ZNF426: variants seen among roughly 807,000 people sequenced by gnomAD.
ZNF426 encodes the protein zinc finger protein 426.
A neutral mutation model predicts 24.0 loss-of-function variants in ZNF426; 23 were observed. That is an observed-to-expected ratio of 0.96 (90% CI 0.69 to 1.36). The LOEUF is 1.36. Among genes scored for constraint, ZNF426 ranks in the 40% most tolerant of loss-of-function variants. The pLI, the probability that ZNF426 is intolerant of heterozygous loss-of-function variation, is 0.00. For synonymous variants in ZNF426, 272 were observed against 224.6 expected, an observed-to-expected ratio of 1.21 and a Z score of -1.89; for missense variants, 646 against 658.4, an observed-to-expected ratio of 0.98 and a Z score of 0.21.
At chr19:9,534,051 C>A in intron 4 of ZNF426, 85 bp from the exon 5 acceptor site, 1 of 1,551,408 alleles carries the variant, frequency 6.4e-7, no homozygotes, top group African/African-American at 1.4e-5. Flanking sequence ...GACCCAATGC[C>A]TATGCAGGAT....
intron 7 of ZNF426, 99 bp from the exon 8 acceptor site, chr19:9,529,735 A>T: frequency 8.4e-7 from 1 of 1,193,816 alleles, no homozygotes; most frequent in Non-Finnish European, 1.2e-6. Context: ...ATTATAATTG[A>T]TGCCATTTTT....
Position 9,528,936 on chromosome 19 carries a change from C to G in ZNF426, c.1109G>C (p.Gly370Ala), listed in dbSNP as rs1228186484. The G allele has an allele frequency of 6.2e-7, 1 of 1,613,866 alleles. No homozygotes were observed. Among genetic ancestry groups the G allele is most frequent in the Non-Finnish European group, 8.5e-7 (1 of 1,179,880 alleles). ...GDKPYECKEC[G>A]KSFLTSSRLI... is the part of the protein sequence containing the mutation. ...GCGTGAGGATGTAAGGAAGGATTTC[C>G]CACATTCCTTACATTCATAGGGCTT... is the stretch of plus-strand genomic sequence containing the variant. Residue 370 changes from glycine to alanine, a missense_variant, in exon 8 of 8, where the codon GGG (glycine) becomes GCG (alanine). Gly to Ala is a moderately conservative substitution (Grantham distance 60, BLOSUM62 0). Coordinates refer to ENST00000253115, the MANE Select transcript of ZNF426 (RefSeq NM_024106.3).
At position 9,536,190 on chromosome 19, in the gene ZNF426, A is replaced by G. The variant is rs755880561; in HGVS notation, c.25+18T>C. The G allele has an allele frequency of 1.2e-6, 2 of 1,614,146 alleles. No homozygotes were observed. The highest frequency in any genetic ancestry group is 2.2e-5 in the South Asian group (2 of 91,080). ...GGAACCTAGAACAGGATATCCTAAA[A>G]AGAGCAACAGAGCTTACCATGGGAC... On this transcript the variant is annotated intron_variant, in intron 3 of 7. Coordinates refer to ENST00000253115, the MANE Select transcript of ZNF426 (RefSeq NM_024106.3).
At chr19:9,537,717 C>T (rs940594804) in intron 2 of ZNF426, among the ~76,000 whole-genome samples, 4 of 151,960 alleles carry the variant, frequency 2.6e-5, no homozygotes, top group African/African-American at 9.7e-5. Context: ...GTGGCACGAT[C>T]TCAGCTCACT....
At position 9,527,497 on chromosome 19, in the gene ZNF426, A is replaced by G. The variant is rs2073807553; in HGVS notation, c.*883T>C. On this transcript the variant is annotated 3_prime_UTR_variant, in exon 8 of 8. Coordinates refer to ENST00000253115, the MANE Select transcript of ZNF426 (RefSeq NM_024106.3). Reference sequence around the variant, plus strand: ...GCATGTGAATATTAAAATATAGTGAACATTCACAGGCTTTTTCATGCTCCT... The same window carrying G: ...GCATGTGAATATTAAAATATAGTGAGCATTCACAGGCTTTTTCATGCTCCT... The G allele has an allele frequency of 6.6e-6, 1 of 152,190 alleles. No individual in the cohort carries two copies. The highest frequency in any genetic ancestry group is 1.5e-5 in the Non-Finnish European group (1 of 68,032). The allele number at this position is 152,190 out of a possible 1,614,324, so 9.4% of individuals were successfully genotyped here.
chr19:9,532,278 C>CTTTTTTTTTT (rs1020434068), intron 6 of ZNF426, among the ~76,000 whole-genome samples: 28 of 117,454 alleles, frequency 2.4e-4, no homozygotes, highest in African/African-American at 5.1e-4. Context: ...TTCTTTTTTT[C>CTTTTTTTTTT]TTTTTTTTTT....
chr19:9,535,544 C>G (rs949603207), intron 3 of ZNF426, among the ~76,000 whole-genome samples: 22 of 152,150 alleles, frequency 1.4e-4, no homozygotes, highest in African/African-American at 5.3e-4. Context: ...TTAAAATGAG[C>G]CTGGTGTGGT....
At position 9,527,380 on chromosome 19, in the gene ZNF426, T is replaced by G. The variant is rs547719541; in HGVS notation, c.*1000A>C. ...CAGTCCACTCCAAGTTCCAGTATGGTGTATGGGGTCACATTCCTTGCGTTC... is the reference window on the plus strand; with the variant it reads ...CAGTCCACTCCAAGTTCCAGTATGGGGTATGGGGTCACATTCCTTGCGTTC... On this transcript the variant is annotated 3_prime_UTR_variant, in exon 8 of 8. Coordinates refer to ENST00000253115, the MANE Select transcript of ZNF426 (RefSeq NM_024106.3). The G allele has an allele frequency of 6.6e-6, 1 of 152,214 alleles. No individual in the cohort carries two copies. Among genetic ancestry groups the G allele is most frequent in the Non-Finnish European group, 1.5e-5 (1 of 68,042 alleles). The allele number at this position is 152,214 out of a possible 1,614,324, so 9.4% of individuals were successfully genotyped here.
Position 9,528,923 on chromosome 19 carries a change from A to G in ZNF426, c.1122T>C (p.Leu374=), listed in dbSNP as rs2073835859. The change falls in exon 8 of 8, where the codon CTT becomes CTC. Residue 374 remains leucine (L), a synonymous_variant. Coordinates refer to ENST00000253115, the MANE Select transcript of ZNF426 (RefSeq NM_024106.3). Reference sequence around the variant, plus strand: ...TATGTTGAATAAGGCGTGAGGATGTAAGGAAGGATTTCCCACATTCCTTAC... The same window carrying G: ...TATGTTGAATAAGGCGTGAGGATGTGAGGAAGGATTTCCCACATTCCTTAC... ...YECKECGKSF[L]TSSRLIQHIR... is the part of the protein sequence containing the mutation. 1 of 1,613,740 alleles carries G rather than the reference A, an allele frequency of 6.2e-7. No individual in the cohort carries two copies. Among genetic ancestry groups the G allele is most frequent in the Admixed American group, 1.7e-5 (1 of 59,956 alleles).
Position 9,524,647 on chromosome 19 carries a change from G to A in ZNF426, c.*3733C>T, listed in dbSNP as rs1205830484. 6.6e-6 allele frequency: 1 copy of A among 152,042 alleles called. No homozygotes were observed. The highest frequency in any genetic ancestry group is 1.5e-5 in the Non-Finnish European group (1 of 68,052). The allele number at this position is 152,042 out of a possible 1,614,324, so 9.4% of individuals were successfully genotyped here. A position where few individuals can be genotyped will look rare whatever the true frequency, so the allele number is the denominator to read the frequency against. ...AAATACAAAATTAGCTGGGCATGGT[G>A]GTACATGCCTGTAATCCCAGCTACT... On this transcript the variant is annotated 3_prime_UTR_variant, in exon 8 of 8. Coordinates refer to ENST00000253115, the MANE Select transcript of ZNF426 (RefSeq NM_024106.3).
intron 7 of ZNF426, among the ~76,000 whole-genome samples, chr19:9,530,312 G>T (rs2073863653): frequency 1.3e-5 from 2 of 152,058 alleles, no homozygotes; most frequent in Non-Finnish European, 2.9e-5. Flanking sequence ...AAAATTAGCT[G>T]GGCATGGTGG....
At chr19:9,531,490 C>T (rs1313675903) in intron 6 of ZNF426, among the ~76,000 whole-genome samples, 3 of 152,090 alleles carry the variant, frequency 2.0e-5, no homozygotes, top group African/African-American at 7.2e-5. Flanking sequence ...AGCAGAAAGA[C>T]ATTTGGGGAT....
rs1018687339 is a variant in ZNF426 at position 9,523,554 on chromosome 19, TTAA to T, written c.*4823_*4825del. 3.9e-5 allele frequency: 6 copies of T among 152,222 alleles called. No individual in the cohort carries two copies. Among genetic ancestry groups the T allele is most frequent in the Non-Finnish European group, 5.9e-5 (4 of 68,040 alleles). The allele number at this position is 152,222 out of a possible 1,614,324, so 9.4% of individuals were successfully genotyped here. A position where few individuals can be genotyped will look rare whatever the true frequency, so the allele number is the denominator to read the frequency against. On this transcript the variant is annotated 3_prime_UTR_variant, in exon 8 of 8. Coordinates refer to ENST00000253115, the MANE Select transcript of ZNF426 (RefSeq NM_024106.3). ...GGTCCCAGGGATGAAAGCCTTAATGTTAATGAGTGGATGGGACATGTGACATAA... is the reference window on the plus strand; with the variant it reads ...GGTCCCAGGGATGAAAGCCTTAATGTTGAGTGGATGGGACATGTGACATAA...
chr19:9,533,549 T>C (rs924623543), intron 5 of ZNF426, among the ~76,000 whole-genome samples: 4 of 152,234 alleles, frequency 2.6e-5, no homozygotes, highest in African/African-American at 9.6e-5. Context: ...TAAAACATTA[T>C]TGTGCATCAG....
chr19:9,529,094 G>A lies in ZNF426; in HGVS notation c.951C>T (p.Phe317=). 1 of 1,613,664 alleles carries A rather than the reference G, an allele frequency of 6.2e-7. No homozygotes were observed. Among genetic ancestry groups the A allele is most frequent in the Non-Finnish European group, 8.5e-7 (1 of 1,179,906 alleles). ...PYECKECGKA[F]NYSNSFQIHG... is the part of the protein sequence containing the mutation. ...GTATCTGAAATGAGTTGGAATAATT[G>A]AAGGCTTTCCCACATTCCTTACATT... The change falls in exon 8 of 8, where the codon TTC becomes TTT. Residue 317 remains phenylalanine, a synonymous_variant. Coordinates refer to ENST00000253115, the MANE Select transcript of ZNF426 (RefSeq NM_024106.3).
intron 5 of ZNF426, among the ~76,000 whole-genome samples, chr19:9,533,412 T>C (rs538793922): frequency 1.3e-5 from 2 of 152,310 alleles, no homozygotes; most frequent in African/African-American, 2.4e-5. Flanking sequence ...GCTGAGATCA[T>C]GCCAGTGCAC....
At position 9,535,205 on chromosome 19, in the gene ZNF426, G is replaced by A. The variant is rs745937478; in HGVS notation, c.100C>T (p.Leu34=). Residue 34 remains leucine, a synonymous_variant, in exon 4 of 8, where the codon CTA becomes TTA. Transcript: ENST00000253115. ...TPAGRIVADC[L]TDCYQDSVTF... ...CTTTTTACCTGATAACAATCTGTTA[G>A]GCAGTCAGCCACTATTCTTCCTGCT... is the stretch of plus-strand genomic sequence containing the variant. 2 of 1,613,158 alleles carry A rather than the reference G, an allele frequency of 1.2e-6. No homozygotes were observed. Among genetic ancestry groups the A allele is most frequent in the Non-Finnish European group, 1.7e-6 (2 of 1,179,460 alleles).
intron 3 of ZNF426, among the ~76,000 whole-genome samples, chr19:9,535,505 C>T (rs952572037): frequency 5.3e-5 from 8 of 152,040 alleles, no homozygotes; most frequent in South Asian, 2.1e-4. Context: ...CTGGGCAACA[C>T]GGTGAGACCC....
Position 9,529,378 on chromosome 19 carries a change from A to T in ZNF426, c.667T>A (p.Ser223Thr), listed in dbSNP as rs1162740184. 1.9e-6 allele frequency: 3 copies of T among 1,614,176 alleles called. No individual in the cohort carries two copies. In the East Asian group the frequency reaches 6.7e-5, roughly 36 times the overall value. The change falls in exon 8 of 8, where the codon TCA (serine) becomes ACA (threonine). Residue 223 changes from serine to threonine, a missense_variant. Ser to Thr is a moderately conservative substitution (Grantham distance 58, BLOSUM62 1). Coordinates refer to ENST00000253115, the MANE Select transcript of ZNF426 (RefSeq NM_024106.3). ...VYQRTSTQEK[S>T]FECSHCGKSF... ...TTTCCACAGTGACTACATTCAAATGACTTTTCTTGTGTGCTAGTTCTCTGG... is the reference window on the plus strand; with the variant it reads ...TTTCCACAGTGACTACATTCAAATGTCTTTTCTTGTGTGCTAGTTCTCTGG...
Sources: gnomAD v4.1 joint callset for allele counts (sites outside exome capture counted in the v4.1 genomes callset) on GRCh38, gnomAD v4.1.1 for gene constraint, MANE v1.5 for transcripts, NCBI Gene and HGNC (gene_info 2026-07-23, HGNC 2026-07-21) for gene names.